PYGL: variants seen among roughly 807,000 people sequenced by gnomAD.
PYGL encodes the protein glycogen phosphorylase, liver form.
Under a neutral mutation model 100.1 loss-of-function variants are expected in PYGL, and 90 were observed. That is an observed-to-expected ratio of 0.90 (90% confidence interval 0.76 to 1.07). The LOEUF is 1.07. PYGL is among the 50% of genes least tolerant of loss of function. PYGL has a pLI of 0.00. For synonymous variants in PYGL, 373 were observed against 393.0 expected, an observed-to-expected ratio of 0.95 and a Z score of 0.60; for missense variants, 1,016 against 1,057.6, an observed-to-expected ratio of 0.96 and a Z score of 0.55.
At chr14:50,918,987 TG>T (rs1418980805) in intron 7 of PYGL, among the ~76,000 whole-genome samples, 2 of 152,222 alleles carry the variant, frequency 1.3e-5, no homozygotes, top group Non-Finnish European at 2.9e-5. Flanking sequence ...AGAATGAATT[TG>T]TTATTGTAAT....
At chr14:50,910,520 A>C (rs932224397) in intron 16 of PYGL, among the ~76,000 whole-genome samples, 6 of 151,956 alleles carry the variant, frequency 3.9e-5, no homozygotes, top group African/African-American at 1.5e-4. Context: ...CAGTGGTGCG[A>C]TTACAGCTCT....
rs531973926 is a variant in PYGL, at chr14:50,910,047, C to T, written c.2025G>A (p.Ser675=). 144 of 1,614,142 alleles carry T rather than the reference C, an allele frequency of 8.9e-5. No homozygotes were observed. In the South Asian group the frequency reaches 9.0e-4, roughly 10 times the overall value. ...EQISTAGTEA[S]GTGNMKFMLN... ...GCATGAACTTCATATTGCCTGTCCC[C>T]GAGGCTTCGGTGCCTGCAGTGGAAA... The change falls in exon 17 of 20, where the codon TCG becomes TCA. Residue 675 remains serine (S), a synonymous_variant. Transcript: ENST00000216392.
At chr14:50,913,886 TGGTGGG>T (rs2050421984) in intron 12 of PYGL, among the ~76,000 whole-genome samples, 1 of 151,644 alleles carries the variant, frequency 6.6e-6, no homozygotes, top group South Asian at 2.1e-4. Flanking sequence ...CGGGTGGTGG[TGGTGGG>T]GGTGGGTCTC....
At chr14:50,927,359 G>A (rs1015761198) in intron 4 of PYGL, among the ~76,000 whole-genome samples, 1 of 152,046 alleles carries the variant, frequency 6.6e-6, no homozygotes, top group Non-Finnish European at 1.5e-5. Flanking sequence ...CAAGTACCTG[G>A]GATTACAGGT....
intron 1 of PYGL, among the ~76,000 whole-genome samples, chr14:50,942,963 G>A (rs933003304): frequency 6.6e-6 from 1 of 152,152 alleles, no homozygotes; most frequent in African/African-American, 2.4e-5. Context: ...TAGGTCTTTG[G>A]GGTGAAGAAG....
At chr14:50,934,140 C>T (rs2050630677) in intron 3 of PYGL, among the ~76,000 whole-genome samples, 1 of 152,098 alleles carries the variant, frequency 6.6e-6, no homozygotes, top group Non-Finnish European at 1.5e-5. Context: ...ATTTTTAGTG[C>T]TTTCCTATAT....
At chr14:50,932,947 A>G (rs2050615690) in intron 3 of PYGL, among the ~76,000 whole-genome samples, 1 of 152,204 alleles carries the variant, frequency 6.6e-6, no homozygotes, top group Admixed American at 6.6e-5. Flanking sequence ...TACATCGCCA[A>G]TCCCTGTGCT....
intron 17 of PYGL, among the ~76,000 whole-genome samples, chr14:50,909,242 A>T (rs185485278): frequency 1.3e-4 from 20 of 152,308 alleles, no homozygotes; most frequent in Admixed American, 1.2e-3. Flanking sequence ...AGCAAGGTCC[A>T]TTTCAAAGCA....
chr14:50,923,843 A>G, intron 5 of PYGL, 126 bp downstream of exon 5: 1 of 1,199,458 alleles, frequency 8.3e-7, no homozygotes, highest in East Asian at 2.6e-5. Context: ...TTACAAAAAT[A>G]TATTCTATTA....
chr14:50,908,965 AG>A lies in PYGL; in HGVS notation c.2178-11del, dbSNP rs1555326336. The A allele has an allele frequency of 1.1e-6, 1 of 886,844 alleles. No homozygotes were observed. Among genetic ancestry groups the A allele is most frequent in the Non-Finnish European group, 1.8e-6 (1 of 568,116 alleles). 54.9% of individuals were successfully genotyped at this position (886,844 alleles called of 1,614,324 possible). A position where few individuals can be genotyped will look rare whatever the true frequency, so the allele number is the denominator to read the frequency against. On this transcript the variant is annotated splice_polypyrimidine_tract_variant and intron_variant, in intron 17 of 19. Transcript: ENST00000216392. Reference sequence around the variant, plus strand: ...TTCTTTTGCCTCGTACCTGTGGGGTAGGGGTGGGTGGGTGATAAAAAAAGGC... The same window carrying A: ...TTCTTTTGCCTCGTACCTGTGGGGTAGGGTGGGTGGGTGATAAAAAAAGGC...
chr14:50,937,827 T>A lies in PYGL; in HGVS notation c.254A>T (p.Tyr85Phe). ...GCCCATGTAAAATTCCAGAGAGAGG[T>A]AATATACCCTCTGAAATAAAGAAAA... is the stretch of plus-strand genomic sequence containing the variant. ...YYDKCPKRVY[Y>F]LSLEFYMGRT... The change falls in exon 2 of 20, where the codon TAC (tyrosine) becomes TTC (phenylalanine). Residue 85 changes from tyrosine to phenylalanine, a missense_variant. Tyr to Phe is a conservative substitution (Grantham distance 22). Transcript: ENST00000216392. The A allele has an allele frequency of 1.9e-6, 3 of 1,609,210 alleles. No homozygotes were observed. Among genetic ancestry groups the A allele is most frequent in the Non-Finnish European group, 2.6e-6 (3 of 1,175,594 alleles).
rs1357204440 is a variant in PYGL, at chr14:50,941,839, T to C, written c.243+2322A>G. ...GTTGCAGTGAGCCGAGATTGCATCA[T>C]TGCACTCCAACATGGGTGACAGAGT... On this transcript the variant is annotated intron_variant, in intron 1 of 19. Coordinates refer to ENST00000216392, the MANE Select transcript of PYGL (RefSeq NM_002863.5). 2.0e-5 allele frequency among the ~76,000 whole-genome samples: 3 copies of C among 152,044 alleles called. No individual in the cohort carries two copies. The East Asian group carries it at 5.8e-4, about 29-fold the overall frequency.
In PYGL at chr14:50,921,025, T is replaced by A. The variant is rs1229918271; in HGVS notation, c.703A>T (p.Met235Leu). The change falls in exon 6 of 20, where the codon ATG becomes TTG. Residue 235 changes from methionine (M) to leucine (L), a missense_variant. Physicochemically the swap from Met to Leu is conservative, Grantham distance 15. Coordinates refer to ENST00000216392, the MANE Select transcript of PYGL (RefSeq NM_002863.5). The stretch of plus-strand genomic sequence containing the variant: ...CGCATGGTGTTGACAGTGTTATTCA[T>A]GTAGCCGGGCACGGGGGTGTCATAT... ...LPYDTPVPGYMNNTVNTMRLW... is the reference protein window; with the variant it reads ...LPYDTPVPGYLNNTVNTMRLW... 1 of 1,614,206 alleles carries A rather than the reference T, an allele frequency of 6.2e-7. No individual in the cohort carries two copies.
At chr14:50,921,758 T>C (rs1010805567) in intron 5 of PYGL, among the ~76,000 whole-genome samples, 1 of 152,210 alleles carries the variant, frequency 6.6e-6, no homozygotes, top group Non-Finnish European at 1.5e-5. Flanking sequence ...CAAAGTGACA[T>C]TGTGAATCTG....
intron 10 of PYGL, 82 bp downstream of exon 10, chr14:50,915,743 G>A (rs2050440917): frequency 1.3e-6 from 2 of 1,531,926 alleles, no homozygotes; most frequent in Non-Finnish European, 1.8e-6. Flanking sequence ...AAAGATGTTT[G>A]GTAAGAGGGA....
chr14:50,907,186 AC>A (rs2142784410), intron 19 of PYGL, among the ~76,000 whole-genome samples: 1 of 152,254 alleles, frequency 6.6e-6, no homozygotes, highest in Admixed American at 6.5e-5. Flanking sequence ...ACATGGCTCT[AC>A]CCATCCCTTT....
chr14:50,915,982 G>C lies in PYGL; in HGVS notation c.1093-11C>G, dbSNP rs768745213. The C allele has an allele frequency of 3.3e-5, 54 of 1,613,760 alleles. No homozygotes were observed. The highest frequency in any genetic ancestry group is 4.4e-5 in the Non-Finnish European group (52 of 1,179,984). ...GGTGAGCTCCCATGCCTGGGGGAAA[G>C]GAAGGAGTCAGCTGCTTGCCCTGAA... On this transcript the variant is annotated splice_polypyrimidine_tract_variant and intron_variant, in intron 9 of 19. Coordinates refer to ENST00000216392, the MANE Select transcript of PYGL (RefSeq NM_002863.5).
intron 19 of PYGL, among the ~76,000 whole-genome samples, chr14:50,907,328 AG>A (rs971823266): frequency 2.0e-5 from 3 of 152,136 alleles, no homozygotes; most frequent in African/African-American, 7.2e-5. Flanking sequence ...AGTCCAGAAG[AG>A]GTACCTATTT....
chr14:50,917,045 G>C lies in PYGL; in HGVS notation c.916C>G (p.Gln306Glu). The change falls in exon 8 of 20, where the codon CAA becomes GAA. Residue 306 changes from glutamine to glutamate, a missense_variant. Coordinates refer to ENST00000216392, the MANE Select transcript of PYGL (RefSeq NM_002863.5). ...GCTTTGAAACGGCGGATGATATCTTGCAAGGTTGCAGCCACCACAAAGTAT... is the reference window on the plus strand; with the variant it reads ...GCTTTGAAACGGCGGATGATATCTTCCAAGGTTGCAGCCACCACAAAGTAT... ...QEYFVVAATLQDIIRRFKASK... is the reference protein window; with the variant it reads ...QEYFVVAATLEDIIRRFKASK... 1 of 1,613,854 alleles carries C rather than the reference G, an allele frequency of 6.2e-7. No homozygotes were observed. Among genetic ancestry groups the C allele is most frequent in the South Asian group, 1.1e-5 (1 of 91,074 alleles).
Sources: gnomAD v4.1 joint callset for allele counts (sites outside exome capture counted in the v4.1 genomes callset) on GRCh38, gnomAD v4.1.1 for gene constraint, MANE v1.5 for transcripts, NCBI Gene and HGNC (gene_info 2026-07-23, HGNC 2026-07-21) for gene names.